Variants in RPS6KA2 observed in about 807,000 individuals in gnomAD.
RPS6KA2 encodes the protein ribosomal protein S6 kinase alpha-2.
Under a neutral mutation model 91.8 loss-of-function variants are expected in RPS6KA2, and 42 were observed. The ratio of observed to expected loss-of-function variants is 0.46; its 90% CI spans 0.36 to 0.59. The LOEUF (loss-of-function observed/expected upper bound fraction) is 0.59, where lower values mean the gene tolerates loss of function less well. Among genes scored for constraint, RPS6KA2 ranks in the 20% least tolerant of loss-of-function variants. The pLI is 0.00. For missense variants in RPS6KA2, 798 were observed against 978.5 expected, an observed-to-expected ratio of 0.82 and a Z score of 2.46; for synonymous variants, 414 against 393.6, an observed-to-expected ratio of 1.05 and a Z score of -0.61.
At chr6:166,513,421 A>G (rs977479995) in intron 3 of RPS6KA2, among the ~76,000 whole-genome samples, 1 of 152,150 alleles carries the variant, frequency 6.6e-6, no homozygotes, top group Non-Finnish European at 1.5e-5. Context: ...TGCCTCAACT[A>G]ACGGAATCAG....
intron 3 of RPS6KA2, among the ~76,000 whole-genome samples, chr6:166,525,622 G>A (rs1782998870): frequency 6.6e-6 from 1 of 152,208 alleles, no homozygotes; most frequent in Admixed American, 6.5e-5. Context: ...CCACGGTTTG[G>A]AGAAACAAGC....
intron 2 of RPS6KA2, among the ~76,000 whole-genome samples, chr6:166,727,376 G>A (rs573533272): frequency 9.9e-5 from 15 of 151,906 alleles, no homozygotes; most frequent in African/African-American, 3.6e-4. Flanking sequence ...ATGCTGTAAT[G>A]TGTTACCAGT....
chr6:166,499,724 AC>A (rs1781951429), intron 7 of RPS6KA2, among the ~76,000 whole-genome samples: 1 of 152,164 alleles, frequency 6.6e-6, no homozygotes. Flanking sequence ...TTTATGAATT[AC>A]CCAGCCTTGG....
chr6:166,440,190 A>T (rs1779475420), intron 14 of RPS6KA2: 1 of 152,170 alleles, frequency 6.6e-6, no homozygotes, highest in Admixed American at 6.5e-5. Context: ...GTGTTGAAAG[A>T]CCGGGGAGAG....
intron 5 of RPS6KA2, among the ~76,000 whole-genome samples, chr6:166,507,170 A>G (rs1053811992): frequency 2.0e-5 from 3 of 152,084 alleles, no homozygotes; most frequent in African/African-American, 7.2e-5. Context: ...CCCAGGATGG[A>G]AAGTGAGACC....
intron 2 of RPS6KA2, among the ~76,000 whole-genome samples, chr6:166,660,189 A>C (rs1438482199): frequency 6.6e-6 from 1 of 152,222 alleles, no homozygotes; most frequent in African/African-American, 2.4e-5. Context: ...AGATGGATAC[A>C]TGATGCCACT....
At chr6:166,659,036 C>A (rs998968078) in intron 2 of RPS6KA2, among the ~76,000 whole-genome samples, 3 of 151,914 alleles carry the variant, frequency 2.0e-5, no homozygotes, top group Admixed American at 2.0e-4. Flanking sequence ...GTCCCAGTGA[C>A]CCTTGGGAGG....
chr6:166,702,394 C>T (rs1281550168), intron 2 of RPS6KA2: 1 of 1,607,296 alleles, frequency 6.2e-7, no homozygotes, highest in Non-Finnish European at 8.5e-7. Context: ...AGGTGAAATT[C>T]TCTAACTGAA....
At chr6:166,843,416 A>G (rs981039134) in intron 2 of RPS6KA2, among the ~76,000 whole-genome samples, 1 of 152,176 alleles carries the variant, frequency 6.6e-6, no homozygotes, top group African/African-American at 2.4e-5. Context: ...GTACAACCTC[A>G]GCTGATGCAC....
chr6:166,448,644 C>A lies in RPS6KA2; in HGVS notation c.1332+80G>T. 2 of 1,495,486 alleles carry A rather than the reference C, an allele frequency of 1.3e-6. No homozygotes were observed. Among genetic ancestry groups the A allele is most frequent in the South Asian group, 2.5e-5 (2 of 79,198 alleles). 92.6% of individuals were successfully genotyped at this position (1,495,486 alleles called of 1,614,324 possible). A position where few individuals can be genotyped will look rare whatever the true frequency, so the allele number is the denominator to read the frequency against. On this transcript the variant is annotated intron_variant, in intron 14 of 20. Coordinates refer to ENST00000265678, the MANE Select transcript of RPS6KA2 (RefSeq NM_021135.6). The surrounding 1 kb of genome is among the most constrained non-coding windows in gnomAD (Gnocchi z 4.7). ...CACAGGGCCCTGCTATGCTCCTATG[C>A]TCCGTGCTCCCACATACCACACGTG...
intron 2 of RPS6KA2, among the ~76,000 whole-genome samples, chr6:166,721,237 G>C (rs938265932): frequency 1.3e-5 from 2 of 152,220 alleles, no homozygotes; most frequent in African/African-American, 4.8e-5. Context: ...GGGACATCGG[G>C]GGTGCGACTG....
intron 11 of RPS6KA2, among the ~76,000 whole-genome samples, chr6:166,462,703 C>CA (rs1343203558): frequency 1.3e-5 from 2 of 152,206 alleles, no homozygotes; most frequent in African/African-American, 2.4e-5. Context: ...TTGTACCACA[C>CA]AAATAGCTCC....
At chr6:166,695,870 C>T (rs1334142272) in intron 2 of RPS6KA2, among the ~76,000 whole-genome samples, 6 of 151,994 alleles carry the variant, frequency 3.9e-5, no homozygotes, top group African/African-American at 1.5e-4. Flanking sequence ...CTCATAGGAG[C>T]ACTAAATTCT....
At chr6:166,798,834 G>A (rs1276705155) in intron 2 of RPS6KA2, among the ~76,000 whole-genome samples, 3 of 152,290 alleles carry the variant, frequency 2.0e-5, no homozygotes, top group Middle Eastern at 3.4e-3. Flanking sequence ...TCCAGGGTGT[G>A]TTCCTGGTGG....
intron 2 of RPS6KA2, among the ~76,000 whole-genome samples, chr6:166,735,206 C>G (rs1417325508): frequency 1.3e-5 from 2 of 152,224 alleles, no homozygotes; most frequent in Non-Finnish European, 2.9e-5. Context: ...TGCAGAGAAA[C>G]TTCTGCACCC....
At chr6:166,614,790 C>T (rs114032244) in intron 1 of RPS6KA2, among the ~76,000 whole-genome samples, 499 of 152,304 alleles carry the variant, frequency 3.3e-3, no homozygotes, top group African/African-American at 0.011. Context: ...CCCTGTCACA[C>T]CCTTTCCCGC....
chr6:166,446,606 A>G (rs968684553), intron 14 of RPS6KA2, among the ~76,000 whole-genome samples: 3 of 152,204 alleles, frequency 2.0e-5, no homozygotes, highest in African/African-American at 4.8e-5. Context: ...ACTGAGTTTA[A>G]GCTGTGTAAC....
chr6:166,690,074 G>T (rs575558727), intron 2 of RPS6KA2, among the ~76,000 whole-genome samples: 1 of 152,358 alleles, frequency 6.6e-6, no homozygotes, highest in East Asian at 1.9e-4. Context: ...GGCTCTGGGA[G>T]CCCTGGAGGT....
At position 166,768,888 on chromosome 6, in the gene RPS6KA2, A is replaced by G. The variant is rs537618242; in HGVS notation, c.123+89312T>C. ...AGTGGAGGGGATTTTGCTGGCCCTC[A>G]GCCCACAGAGACCCTGTGGCCACAT... On this transcript the variant is annotated intron_variant, in intron 2 of 21. Coordinates refer to the RPS6KA2 transcript ENST00000503859. 3.3e-5 allele frequency among the ~76,000 whole-genome samples: 5 copies of G among 152,324 alleles called. No individual in the cohort carries two copies. The South Asian group carries it at 8.3e-4, about 25-fold the overall frequency.
Sources: gnomAD v4.1 joint callset for allele counts (sites outside exome capture counted in the v4.1 genomes callset) on GRCh38, gnomAD v4.1.1 for gene constraint, Gnocchi (gnomAD v3.1) non-coding constraint, MANE v1.5 for transcripts, NCBI Gene and HGNC (gene_info 2026-07-23, HGNC 2026-07-21) for gene names.